SAMD12: variants seen among roughly 807,000 people sequenced by gnomAD.
SAMD12 encodes sterile alpha motif domain containing 12.
In SAMD12, 9 loss-of-function variants were observed where a neutral mutation model predicts 15.0. The ratio of observed to expected loss-of-function variants is 0.60; its 90% CI spans 0.36 to 1.05. SAMD12 has a LOEUF of 1.05. Ranked by LOEUF, SAMD12 falls within the 50% of genes least tolerant of loss-of-function variation. SAMD12 has a pLI of 0.01. For synonymous variants in SAMD12, 86 were observed against 90.1 expected (o/e 0.96, Z 0.25); for missense variants, 230 against 234.2 (o/e 0.98, Z 0.12).
chr8:118,401,686 G>A (rs1820878373), intron 3 of SAMD12, among the ~76,000 whole-genome samples: 1 of 151,858 alleles, frequency 6.6e-6, no homozygotes, highest in South Asian at 2.1e-4. Flanking sequence ...AGGGCTTCAT[G>A]TAAAAGATCA....
intron 2 of SAMD12, among the ~76,000 whole-genome samples, chr8:118,453,251 A>G (rs959034966): frequency 3.3e-5 from 5 of 152,148 alleles, no homozygotes; most frequent in African/African-American, 1.2e-4. Context: ...TGGTAAATTG[A>G]GTCACAGGTA....
chr8:118,562,488 T>A (rs886108969), intron 2 of SAMD12, among the ~76,000 whole-genome samples: 1 of 151,978 alleles, frequency 6.6e-6, no homozygotes, highest in Non-Finnish European at 1.5e-5. Context: ...TACAGCAGCA[T>A]CTCATAGACG....
intron 2 of SAMD12, among the ~76,000 whole-genome samples, chr8:118,507,398 C>T (rs1034578267): frequency 1.3e-5 from 2 of 151,990 alleles, no homozygotes; most frequent in African/African-American, 4.8e-5. Flanking sequence ...TTTAACACGA[C>T]AATATCTACC....
intron 4 of SAMD12, among the ~76,000 whole-genome samples, chr8:118,247,477 A>C (rs1812723169): frequency 1.3e-5 from 2 of 152,116 alleles, no homozygotes; most frequent in African/African-American, 2.4e-5. Flanking sequence ...AATTAGTCTG[A>C]TTTACTCATT....
intron 4 of SAMD12, among the ~76,000 whole-genome samples, chr8:118,333,933 T>C (rs1343228987): frequency 5.2e-5 from 2 of 38,690 alleles, no homozygotes; most frequent in Non-Finnish European, 8.9e-5. Flanking sequence ...GGTATGTCTG[T>C]GTGTGTGTGT....
chr8:118,550,081 G>A (rs1404144156), intron 2 of SAMD12, among the ~76,000 whole-genome samples: 2 of 152,184 alleles, frequency 1.3e-5, no homozygotes, highest in African/African-American at 4.8e-5. Flanking sequence ...CAGGGAGAAT[G>A]GAACCAAGCT....
intron 4 of SAMD12, among the ~76,000 whole-genome samples, chr8:118,313,215 A>C (rs979142226): frequency 1.3e-5 from 2 of 152,206 alleles, no homozygotes; most frequent in Non-Finnish European, 2.9e-5. Context: ...ATCCATGTGG[A>C]ATATAAGCCA....
At chr8:118,185,360 A>G (rs1819226092), downstream of SAMD12, among the ~76,000 whole-genome samples, 2 of 152,126 alleles carry the variant, frequency 1.3e-5, no homozygotes, top group African/African-American at 2.4e-5. Flanking sequence ...ACTGTACCCA[A>G]TATGTAGTCT....
chr8:118,507,848 G>A (rs4546697), intron 2 of SAMD12, among the ~76,000 whole-genome samples: 105,212 of 151,936 alleles, frequency 0.69, 37,628 homozygotes, highest in African/African-American at 0.88. Context: ...TTGAGTATGT[G>A]TGGGTTTTAG....
chr8:118,205,581 A>C (rs1349685908), intron 4 of SAMD12, among the ~76,000 whole-genome samples: 1 of 152,230 alleles, frequency 6.6e-6, no homozygotes, highest in Non-Finnish European at 1.5e-5. Flanking sequence ...TGTTAATTCC[A>C]GAAATGTTAA....
chr8:118,382,697 G>T (rs953129565), intron 3 of SAMD12, among the ~76,000 whole-genome samples: 1 of 152,204 alleles, frequency 6.6e-6, no homozygotes, highest in Non-Finnish European at 1.5e-5. Context: ...TCTGTTGGAA[G>T]AGAAATTGAG....
At position 118,439,685 on chromosome 8, in the gene SAMD12, G is replaced by T. The variant is rs1300830372; in HGVS notation, c.322+147C>A. On this transcript the variant is annotated intron_variant, in intron 3 of 3. Transcript: ENST00000314727. The stretch of plus-strand genomic sequence containing the variant: ...TTTGTTAAATAGCATGGCTCACATG[G>T]ATCTGGAATTTATCACCCCTTTGGA... 4 of 713,978 alleles carry T rather than the reference G, an allele frequency of 5.6e-6. 1 individual carries two copies. The highest frequency in any genetic ancestry group is 3.5e-5 in the South Asian group (2 of 57,554). 44.2% of individuals were successfully genotyped at this position (713,978 alleles called of 1,614,324 possible).
chr8:118,154,450 T>C, the SAMD12 span, among the ~76,000 whole-genome samples: 1 of 152,210 alleles, frequency 6.6e-6, no homozygotes, highest in Non-Finnish European at 1.5e-5. Context: ...TGTGTTCCCA[T>C]GACATGCTGT....
chr8:118,141,787 G>A, the SAMD12 span, among the ~76,000 whole-genome samples: 3 of 152,248 alleles, frequency 2.0e-5, no homozygotes, highest in Admixed American at 6.5e-5. Context: ...TTGCCAGGAA[G>A]TAAGCAAAGA....
At chr8:118,257,577 C>T (rs529096782) in intron 4 of SAMD12, among the ~76,000 whole-genome samples, 2 of 152,266 alleles carry the variant, frequency 1.3e-5, no homozygotes, top group East Asian at 3.9e-4. Flanking sequence ...GTACAAGTTA[C>T]AGCATCCCTG....
At chr8:118,176,785 A>T in the SAMD12 span, among the ~76,000 whole-genome samples, 11 of 152,206 alleles carry the variant, frequency 7.2e-5, no homozygotes, top group Admixed American at 7.2e-4. Flanking sequence ...CAAATTGCAC[A>T]TGTACCCCTT....
chr8:118,245,533 G>C (rs187588786), intron 4 of SAMD12, among the ~76,000 whole-genome samples: 158 of 152,258 alleles, frequency 1.0e-3, no homozygotes, highest in Non-Finnish European at 1.9e-3. Context: ...TCTGAGCTCA[G>C]AGAGATTAAA....
chr8:118,403,072 C>T (rs1379427796), intron 3 of SAMD12, among the ~76,000 whole-genome samples: 1 of 152,210 alleles, frequency 6.6e-6, no homozygotes, highest in Non-Finnish European at 1.5e-5. Flanking sequence ...GGGTACTAAG[C>T]TTCTCTCGTG....
intron 4 of SAMD12, among the ~76,000 whole-genome samples, chr8:118,340,524 T>C (rs538589971): frequency 6.6e-6 from 1 of 152,322 alleles, no homozygotes; most frequent in South Asian, 2.1e-4. Context: ...ATCCCAGCAC[T>C]TTGGGAGGCC....
Sources: allele counts gnomAD v4.1 joint callset (sites outside exome capture counted in the v4.1 genomes callset), GRCh38; gene constraint gnomAD v4.1.1; transcripts MANE v1.5; gene names NCBI Gene and HGNC (gene_info 2026-07-23, HGNC 2026-07-21).